The following SOS2 variants were observed in gnomAD, a reference collection of about 807,000 sequenced individuals.
SOS2 encodes son of sevenless homolog 2.
Under a neutral mutation model 148.2 loss-of-function variants are expected in SOS2, and 65 were observed. That is an observed-to-expected ratio of 0.44 (90% confidence interval 0.36 to 0.54). SOS2 has a LOEUF of 0.54. Ranked by LOEUF, SOS2 falls within the 20% of genes least tolerant of loss-of-function variation. SOS2 has a pLI of 0.00. For missense variants in SOS2, 1,341 were observed against 1,590.2 expected (o/e 0.84, Z 2.67); for synonymous variants, 539 against 537.1 (o/e 1.00, Z -0.05).
intron 1 of SOS2, among the ~76,000 whole-genome samples, chr14:50,204,944 C>T (rs972633083): frequency 1.4e-5 from 2 of 147,958 alleles, no homozygotes; most frequent in African/African-American, 5.0e-5. Flanking sequence ...AGGGATGAGC[C>T]GTTTTTGTTT....
intron 7 of SOS2, among the ~76,000 whole-genome samples, chr14:50,177,651 A>AATAT (rs1277142086): frequency 6.6e-6 from 1 of 152,186 alleles, no homozygotes; most frequent in Non-Finnish European, 1.5e-5. Flanking sequence ...ACTTTATATG[A>AATAT]ATATATGAGT....
chr14:50,160,270 GTAC>G (rs1884952926), intron 9 of SOS2, among the ~76,000 whole-genome samples, 184 bp from the exon 10 acceptor site: 1 of 150,718 alleles, frequency 6.6e-6, no homozygotes, highest in Admixed American at 6.6e-5. Context: ...TGAAAGAGAA[GTAC>G]TACTGGCTCT....
At chr14:50,227,284 G>A (rs1351358193) in intron 1 of SOS2, among the ~76,000 whole-genome samples, 9 of 125,158 alleles carry the variant, frequency 7.2e-5, no homozygotes, top group African/African-American at 1.6e-4. Flanking sequence ...TCGCTCTGTC[G>A]CCCAGGCTGG....
chr14:50,227,247 CT>C (rs71118857), intron 1 of SOS2, among the ~76,000 whole-genome samples: 14 of 121,630 alleles, frequency 1.2e-4, no homozygotes, highest in South Asian at 4.9e-4. Context: ...TTCTTTCTTT[CT>C]TTTTTTTTTT....
intron 16 of SOS2, among the ~76,000 whole-genome samples, chr14:50,144,433 AT>A: frequency 6.6e-6 from 1 of 151,898 alleles, no homozygotes; most frequent in African/African-American, 2.4e-5. Context: ...AATTTAAAAA[AT>A]ATATATATTT....
At chr14:50,156,425 A>C (rs978787510) in intron 12 of SOS2, 9 of 152,226 alleles carry the variant, frequency 5.9e-5, no homozygotes, top group Non-Finnish European at 1.3e-4. Flanking sequence ...GAGATAAAAA[A>C]GATAAAGCAT....
At chr14:50,175,413 C>T (rs1255487506) in intron 7 of SOS2, among the ~76,000 whole-genome samples, 1 of 150,406 alleles carries the variant, frequency 6.6e-6, no homozygotes, top group African/African-American at 2.4e-5. Flanking sequence ...AGTGAACTCT[C>T]CAATAGGAGT....
chr14:50,134,319 T>A, intron 18 of SOS2, 80 bp from the exon 19 acceptor site: 1 of 707,180 alleles, frequency 1.4e-6, no homozygotes, highest in Non-Finnish European at 2.4e-6. Flanking sequence ...CTCATTAAAA[T>A]TTTTTGCTGA....
rs200021758 is a variant in SOS2 at position 50,160,379 on chromosome 14, C to CTTTTTT, written c.1197-299_1197-294dup. 2.8e-4 allele frequency among the ~76,000 whole-genome samples: 22 copies of CTTTTTT among 78,926 alleles called. 2 individuals carry two copies. The highest frequency in any genetic ancestry group is 2.0e-3 in the South Asian group (4 of 2,004). The allele number at this position is 78,926 out of a possible 152,430, so 51.8% of individuals were successfully genotyped here. A position where few individuals can be genotyped will look rare whatever the true frequency, so the allele number is the denominator to read the frequency against. On this transcript the variant is annotated intron_variant, in intron 9 of 22. Transcript: ENST00000216373. ...ATCCTAATAATATAACAATGCTAATCTTTTTTTTTTTTTTTTTTTTTTTTT... is the reference window on the plus strand; with the variant it reads ...ATCCTAATAATATAACAATGCTAATCTTTTTTTTTTTTTTTTTTTTTTTTTTTTTTT...
chr14:50,151,966 A>G (rs1884675425), intron 13 of SOS2, among the ~76,000 whole-genome samples: 1 of 152,004 alleles, frequency 6.6e-6, no homozygotes. Context: ...TCAAGCAATC[A>G]GCCCGCCTCT....
At chr14:50,199,128 G>C (rs1356500687) in intron 4 of SOS2, among the ~76,000 whole-genome samples, 1 of 152,226 alleles carries the variant, frequency 6.6e-6, no homozygotes, top group Non-Finnish European at 1.5e-5. Context: ...ACTCCAGCCT[G>C]GGTGACAAAG....
chr14:50,139,029 C>G (rs1351460301), intron 17 of SOS2, among the ~76,000 whole-genome samples: 2 of 151,938 alleles, frequency 1.3e-5, no homozygotes, highest in African/African-American at 4.8e-5. Flanking sequence ...ATAAAGGCTG[C>G]TAATCTAAGA....
At chr14:50,150,370 C>T in intron 13 of SOS2, 140 bp from the exon 14 acceptor site, 1 of 639,822 alleles carries the variant, frequency 1.6e-6, no homozygotes, top group Non-Finnish European at 2.8e-6. Flanking sequence ...CCTACTCATG[C>T]CATCCCGTCA....
At chr14:50,231,131 C>G (rs1779826698) in intron 1 of SOS2, 66 bp downstream of exon 1, 1 of 1,015,330 alleles carries the variant, frequency 9.8e-7, no homozygotes, top group Non-Finnish European at 1.3e-6. Flanking sequence ...GAGGGACGAC[C>G]TGCTCCCCGT....
rs772156276 is a variant in SOS2 at position 50,158,640 on chromosome 14, T to C, written c.1859A>G (p.Asn620Ser). Residue 620 changes from asparagine to serine, a missense_variant, in exon 11 of 23, where the codon AAT (asparagine) becomes AGT (serine). Around this residue, in one of 4 missense-constraint regions of SOS2, gnomAD observed 408 missense variants for 506.6 expected, o/e 0.81. Transcript: ENST00000216373. ...RLTYHMYADP[N>S]FVRTFLTTYR... is the part of the protein sequence containing the mutation. ...TGTGGTAAGAAAAGTACGAACAAAA[T>C]TGGGATCTGAAAAGGCAGAGCATAA... 2.5e-6 allele frequency: 4 copies of C among 1,601,534 alleles called. No homozygotes were observed. Among genetic ancestry groups the C allele is most frequent in the African/African-American group, 2.7e-5 (2 of 74,504 alleles).
chr14:50,145,196 C>T lies in SOS2; in HGVS notation c.2641G>A (p.Val881Ile), dbSNP rs201582627. 5 of 1,609,360 alleles carry T rather than the reference C, an allele frequency of 3.1e-6. No homozygotes were observed. Among genetic ancestry groups the T allele is most frequent in the Non-Finnish European group, 4.2e-6 (5 of 1,177,468 alleles). ...EIVSAVNSVS[V>I]YRLDHTFEAL... is the part of the protein sequence containing the mutation. ...TCAAAGGTATGGTCTAGTCTGTATA[C>T]TGACACTGAATTTACTGCACTGACT... The change falls in exon 16 of 23, where the codon GTA (valine) becomes ATA (isoleucine). Residue 881 changes from valine to isoleucine, a missense_variant. Around this residue, in one of 4 missense-constraint regions of SOS2, gnomAD observed 408 missense variants for 506.6 expected, o/e 0.81. Transcript: ENST00000216373.
chr14:50,215,029 GGTTTCACTGT>G (rs1363529663), intron 1 of SOS2, among the ~76,000 whole-genome samples: 5 of 151,284 alleles, frequency 3.3e-5, no homozygotes, highest in African/African-American at 4.9e-5. Context: ...GTAGAGACGG[GGTTTCACTGT>G]GTTATCTAGG....
Position 50,164,391 on chromosome 14 carries a change from G to C in SOS2, c.1069-2782C>G, listed in dbSNP as rs574076296. ...GGAGGTAGAGAATACAGTGAGCTGAGATTGTGCCATTACACTCCAGTCTGG... is the reference window on the plus strand; with the variant it reads ...GGAGGTAGAGAATACAGTGAGCTGACATTGTGCCATTACACTCCAGTCTGG... On this transcript the variant is annotated intron_variant, in intron 8 of 22. Transcript: ENST00000216373. Among the ~76,000 whole-genome samples, 7 of 152,134 alleles carry C rather than the reference G, an allele frequency of 4.6e-5. No homozygotes were observed. In the East Asian group the frequency reaches 1.4e-3, roughly 29 times the overall value.
At chr14:50,141,234 T>G (rs1169914527) in intron 16 of SOS2, among the ~76,000 whole-genome samples, 1 of 104,970 alleles carries the variant, frequency 9.5e-6, no homozygotes, top group Non-Finnish European at 2.0e-5. Context: ...AAAAAAAAAA[T>G]TCTGGTCAAG....
Sources: allele counts gnomAD v4.1 joint callset (sites outside exome capture counted in the v4.1 genomes callset), GRCh38; gene constraint gnomAD v4.1.1; regional missense constraint gnomAD v4.1.1; transcripts MANE v1.5; gene names NCBI Gene and HGNC (gene_info 2026-07-23, HGNC 2026-07-21).